Variants in AKAP13 observed in about 807,000 individuals in gnomAD.
AKAP13 encodes A-kinase anchoring protein 13, also known as A-kinase anchor protein 13.
A neutral mutation model predicts 264.5 loss-of-function variants in AKAP13; 80 were observed. The observed-to-expected ratio is 0.30, with a 90% CI of 0.25 to 0.36. The LOEUF (loss-of-function observed/expected upper bound fraction) is 0.36, where lower values mean the gene tolerates loss of function less well. Among genes scored for constraint, AKAP13 ranks in the 10% least tolerant of loss-of-function variants. The probability of loss-of-function intolerance (pLI) is 1.00; values close to 1 mark genes in which losing one functional copy is unlikely to be tolerated. For missense variants in AKAP13, 3,712 were observed against 3,435.2 expected (o/e 1.08, Z -2.01); for synonymous variants, 1,380 against 1,250.2 (o/e 1.10, Z -2.19).
chr15:85,672,151 T>TG, intron 14 of AKAP13, among the ~76,000 whole-genome samples: 1 of 152,258 alleles, frequency 6.6e-6, no homozygotes, highest in Admixed American at 6.5e-5. Flanking sequence ...CTGTCAAAAG[T>TG]GGAGCTTCAA....
intron 2 of AKAP13, among the ~76,000 whole-genome samples, chr15:85,518,267 C>T (rs942885393): frequency 6.6e-6 from 1 of 152,110 alleles, no homozygotes; most frequent in African/African-American, 2.4e-5. Context: ...TCTTTAAAAG[C>T]CATCTCAAGT....
At chr15:85,545,286 A>G (rs140388247) in intron 5 of AKAP13, among the ~76,000 whole-genome samples, 4 of 152,350 alleles carry the variant, frequency 2.6e-5, no homozygotes, top group East Asian at 3.9e-4. Flanking sequence ...CTGCATAACT[A>G]TTGTGAAGTT....
chr15:85,406,010 A>G (rs1301110664), intron 1 of AKAP13, among the ~76,000 whole-genome samples: 3 of 152,094 alleles, frequency 2.0e-5, no homozygotes, highest in Admixed American at 6.5e-5. Flanking sequence ...ACCATGCCCA[A>G]CTAACTTTGT....
chr15:85,578,980 A>G lies in AKAP13; in HGVS notation c.912A>G (p.Ala304=), dbSNP rs116696532. 10 of 1,614,052 alleles carry G rather than the reference A, an allele frequency of 6.2e-6. No homozygotes were observed. Among genetic ancestry groups the G allele is most frequent in the African/African-American group, 2.7e-5 (2 of 75,000 alleles). The change falls in exon 7 of 37, where the codon GCA becomes GCG. Residue 304 remains alanine (A), a synonymous_variant. Transcript: ENST00000394518. ...MDSLMPLMMT[A]QDPSSAPETD... is the part of the protein sequence containing the mutation. ...GTCTTATGCCCTTAATGATGACAGC[A>G]CAGGATCCTTCCAGTGCCCCAGAGA...
chr15:85,703,871 TAC>T (rs1567204320), intron 17 of AKAP13, among the ~76,000 whole-genome samples: 2 of 149,600 alleles, frequency 1.3e-5, no homozygotes, highest in East Asian at 1.9e-4. Flanking sequence ...TATATATATA[TAC>T]ACACACATAT....
At chr15:85,437,559 C>A (rs1348510614) in intron 1 of AKAP13, among the ~76,000 whole-genome samples, 1 of 151,742 alleles carries the variant, frequency 6.6e-6, no homozygotes, top group African/African-American at 2.4e-5. Flanking sequence ...AACATTGATG[C>A]AAAAATCCTC....
At chr15:85,405,493 G>T (rs1390487002) in intron 1 of AKAP13, among the ~76,000 whole-genome samples, 2 of 152,188 alleles carry the variant, frequency 1.3e-5, no homozygotes, top group Non-Finnish European at 2.9e-5. Context: ...TTCTGGTAGG[G>T]TTGGCAAAGG....
At position 85,741,046 on chromosome 15, in the gene AKAP13, G is replaced by T. The variant is rs553816688; in HGVS notation, c.7609G>T (p.Gly2537Cys). The change falls in exon 35 of 37, where the codon GGT becomes TGT. Residue 2537 changes from glycine (G) to cysteine (C), a missense_variant and splice_region_variant. Gly to Cys is a radical substitution (Grantham distance 159, BLOSUM62 -3). Transcript: ENST00000394518. ...GGGCTCCCCTCTGTGTGCCTCCCAG[G>T]GTGTGGTGCTGCAGCAGGACAGCTA... ...HLYELLSALQGVVLQQDSYIE... is the reference protein window; with the variant it reads ...HLYELLSALQCVVLQQDSYIE... 9.7e-5 allele frequency: 156 copies of T among 1,603,896 alleles called. No homozygotes were observed. The South Asian group carries it at 1.6e-3, about 16-fold the overall frequency.
intron 2 of AKAP13, 83 bp from the exon 3 acceptor site, chr15:85,521,344 TC>T (rs1286958766): frequency 5.3e-6 from 8 of 1,500,110 alleles, no homozygotes; most frequent in Non-Finnish European, 7.3e-6. Context: ...AATTTGATTT[TC>T]CCTTAAATAT....
At chr15:85,506,015 C>T (rs570771154) in intron 2 of AKAP13, among the ~76,000 whole-genome samples, 13 of 152,198 alleles carry the variant, frequency 8.5e-5, no homozygotes, top group Admixed American at 3.3e-4. Context: ...ATTGTCAGGC[C>T]GGGCGTGGTG....
Position 85,633,532 on chromosome 15 carries a change from TTTC to T in AKAP13, c.4162-5839_4162-5837del, listed in dbSNP as rs569208309. ...AGAAAATTCTCTGAATGACTTTTTT[TTTC>T]TTTTTTTTTTTTTTTTTTTTTTTTT... On this transcript the variant is annotated intron_variant, in intron 8 of 36. Transcript: ENST00000394518. Among the ~76,000 whole-genome samples the T allele has an allele frequency of 7.4e-4, 102 of 137,002 alleles. 1 individual carries two copies. In the South Asian group the frequency reaches 0.022, roughly 30 times the overall value. 89.9% of individuals were successfully genotyped at this position (137,002 alleles called of 152,430 possible).
intron 2 of AKAP13, among the ~76,000 whole-genome samples, chr15:85,512,389 T>C (rs1489347535): frequency 6.6e-6 from 1 of 152,188 alleles, no homozygotes; most frequent in Non-Finnish European, 1.5e-5. Context: ...CTTCCATCTT[T>C]CTTGTTCTTA....
chr15:85,473,896 C>G (rs962034984), intron 1 of AKAP13, among the ~76,000 whole-genome samples: 1 of 152,148 alleles, frequency 6.6e-6, no homozygotes, highest in African/African-American at 2.4e-5. Flanking sequence ...TTCACTGACA[C>G]TAATCCAGTA....
rs181173537 is a variant in AKAP13, at chr15:85,524,469, C to A, written c.181+2894C>A. Among the ~76,000 whole-genome samples, 57 of 151,992 alleles carry A rather than the reference C, an allele frequency of 3.8e-4. No homozygotes were observed. In the East Asian group the frequency reaches 0.011, roughly 28 times the overall value. On this transcript the variant is annotated intron_variant, in intron 3 of 36. Coordinates refer to ENST00000394518, the MANE Select transcript of AKAP13 (RefSeq NM_007200.5). ...GATTACAGACGTGAGCCACCGTGCC[C>A]AGCCTCTTCTTGCTTTTATTATTAT...
chr15:85,651,685 G>A (rs1195861570), intron 10 of AKAP13: 2 of 152,072 alleles, frequency 1.3e-5, no homozygotes, highest in African/African-American at 4.8e-5. Context: ...CCTGCAGCAG[G>A]GTACAGACTA....
chr15:85,746,190 T>C lies in AKAP13; in HGVS notation c.*1513T>C, dbSNP rs749416209. The C allele has an allele frequency of 9.8e-5, 15 of 152,664 alleles. No homozygotes were observed. Among genetic ancestry groups the C allele is most frequent in the Non-Finnish European group, 2.1e-4 (14 of 68,036 alleles). The allele number at this position is 152,664 out of a possible 1,614,324, so 9.5% of individuals were successfully genotyped here. A position where few individuals can be genotyped will look rare whatever the true frequency, so the allele number is the denominator to read the frequency against. ...AGAAAAATCTGTAACTTGGTGCTTA[T>C]TGATGAATTGCAAGCTGGCCTTGCA... On this transcript the variant is annotated 3_prime_UTR_variant, in exon 37 of 37. Coordinates refer to ENST00000394518, the MANE Select transcript of AKAP13 (RefSeq NM_007200.5).
intron 8 of AKAP13, among the ~76,000 whole-genome samples, chr15:85,592,083 A>C (rs972874085): frequency 7.1e-6 from 1 of 140,196 alleles, no homozygotes; most frequent in Non-Finnish European, 1.5e-5. Context: ...TTATACAGCC[A>C]AACATCAAAT....
intron 2 of AKAP13, among the ~76,000 whole-genome samples, chr15:85,510,863 A>G (rs1366392257): frequency 1.3e-5 from 2 of 152,194 alleles, no homozygotes; most frequent in Admixed American, 1.3e-4. Context: ...GGAAACAAGT[A>G]TTTTAAGTTT....
At chr15:85,513,023 A>AT (rs369737959) in intron 2 of AKAP13, among the ~76,000 whole-genome samples, 15 of 151,784 alleles carry the variant, frequency 9.9e-5, no homozygotes, top group African/African-American at 3.1e-4. Context: ...TGCCCGGCTA[A>AT]TTTTTTTGTA....
Sources: allele counts gnomAD v4.1 joint callset (sites outside exome capture counted in the v4.1 genomes callset), GRCh38; gene constraint gnomAD v4.1.1; transcripts MANE v1.5; gene names NCBI Gene and HGNC (gene_info 2026-07-23, HGNC 2026-07-21).